ZBTB16: variants seen among roughly 807,000 people sequenced by gnomAD.
ZBTB16 encodes the protein zinc finger and BTB domain-containing protein 16.
Under a neutral mutation model 56.8 loss-of-function variants are expected in ZBTB16, and 8 were observed. The ratio of observed to expected loss-of-function variants is 0.14; its 90% CI spans 0.08 to 0.25. ZBTB16 has a LOEUF of 0.25. ZBTB16 is among the 10% of genes least tolerant of loss of function. ZBTB16 has a pLI of 1.00. For missense variants in ZBTB16, 625 were observed against 903.0 expected, an observed-to-expected ratio of 0.69 and a Z score of 3.95; for synonymous variants, 363 against 368.5, an observed-to-expected ratio of 0.98 and a Z score of 0.17.
chr11:114,100,436 C>A (rs1482904367), intron 2 of ZBTB16, among the ~76,000 whole-genome samples: 1 of 152,178 alleles, frequency 6.6e-6, no homozygotes, highest in African/African-American at 2.4e-5. Context: ...CCTTACCACC[C>A]TCTATGCCCC....
intron 5 of ZBTB16, among the ~76,000 whole-genome samples, chr11:114,245,672 C>T (rs1428452092): frequency 6.6e-6 from 1 of 152,106 alleles, no homozygotes. Context: ...AATTTATGCC[C>T]AGGCACGAGC....
chr11:114,065,943 A>G (rs1019821157), intron 2 of ZBTB16, among the ~76,000 whole-genome samples: 23 of 152,056 alleles, frequency 1.5e-4, no homozygotes, highest in Non-Finnish European at 2.9e-5. Context: ...GGGGATAAGT[A>G]GCGAGTTTGT....
intron 4 of ZBTB16, among the ~76,000 whole-genome samples, chr11:114,234,872 A>G (rs1944530743): frequency 6.6e-6 from 1 of 152,170 alleles, no homozygotes; most frequent in Non-Finnish European, 1.5e-5. Flanking sequence ...CTTTTTCAGC[A>G]GCAACCTGGG....
chr11:114,156,544 G>A (rs1942416970), intron 3 of ZBTB16, 110 bp downstream of exon 3: 2 of 1,016,668 alleles, frequency 2.0e-6, no homozygotes, highest in Non-Finnish European at 3.0e-6. Flanking sequence ...TGCCCGCTGG[G>A]GCCCTGGTCC....
Position 114,059,719 on chromosome 11 carries a change from G to C in ZBTB16, c.-254G>C. The C allele has an allele frequency of 2.5e-6, 1 of 398,474 alleles. No individual in the cohort carries two copies. Among genetic ancestry groups the C allele is most frequent in the Non-Finnish European group, 4.4e-6 (1 of 225,998 alleles). 24.7% of individuals were successfully genotyped at this position (398,474 alleles called of 1,614,324 possible). On this transcript the variant is annotated 5_prime_UTR_variant, in exon 1 of 7. Transcript: ENST00000335953. The surrounding 1 kb of genome is among the most constrained non-coding windows in gnomAD (Gnocchi z 5.3). ...TGATTTGCTAACCTCGCAGCAGAGA[G>C]GAGTTGAGGGCGATGAGAGCGGGTA...
Position 114,256,022 on chromosome 11 carries a change from G to GTTTTTTTTTTT in ZBTB16, c.*5469_*5479dup, listed in dbSNP as rs61107073. Among the ~76,000 whole-genome samples, 1 of 143,068 alleles carries GTTTTTTTTTTT rather than the reference G, an allele frequency of 7.0e-6. No homozygotes were observed. The allele number at this position is 143,068 out of a possible 152,430, so 93.9% of individuals were successfully genotyped here. A position where few individuals can be genotyped will look rare whatever the true frequency, so the allele number is the denominator to read the frequency against. On this transcript the variant is annotated 3_prime_UTR_variant, in exon 7 of 7. Coordinates refer to ENST00000335953, the MANE Select transcript of ZBTB16 (RefSeq NM_006006.6). ...TTATTGAAGTACTTGGTTTTGTTTT[G>GTTTTTTTTTTT]TTTTTTTTTTTTGTTTTTTTTGCCT...
intron 3 of ZBTB16, among the ~76,000 whole-genome samples, chr11:114,186,357 G>T (rs1943360824): frequency 6.6e-6 from 1 of 152,206 alleles, no homozygotes; most frequent in East Asian, 1.9e-4. Flanking sequence ...GAGAGACGAA[G>T]CAGGAAAGAG....
At chr11:114,195,354 G>A (rs1943580607) in intron 4 of ZBTB16, among the ~76,000 whole-genome samples, 1 of 152,144 alleles carries the variant, frequency 6.6e-6, no homozygotes, top group South Asian at 2.1e-4. Flanking sequence ...TATTGGTAAT[G>A]TGAACATGGG....
chr11:114,086,831 T>C (rs1376471157), intron 2 of ZBTB16, among the ~76,000 whole-genome samples: 1 of 152,222 alleles, frequency 6.6e-6, no homozygotes, highest in Non-Finnish European at 1.5e-5. Context: ...AAGAGCACTG[T>C]ATTAGGTTGG....
At chr11:114,108,417 C>G (rs908880852) in intron 2 of ZBTB16, among the ~76,000 whole-genome samples, 1 of 152,164 alleles carries the variant, frequency 6.6e-6, no homozygotes, top group African/African-American at 2.4e-5. Context: ...GTCACAGTAT[C>G]TAATTTTTAG....
intron 2 of ZBTB16, among the ~76,000 whole-genome samples, chr11:114,139,988 C>T (rs1941904595): frequency 6.6e-6 from 1 of 152,208 alleles, no homozygotes; most frequent in Admixed American, 6.5e-5. Context: ...ATGCCCCCTT[C>T]CGTCCTCGGT....
At chr11:114,087,766 C>A (rs570659731) in intron 2 of ZBTB16, among the ~76,000 whole-genome samples, 55 of 152,304 alleles carry the variant, frequency 3.6e-4, no homozygotes, top group African/African-American at 1.3e-3. Flanking sequence ...GCGTGGCATT[C>A]AAAGCCATCC....
chr11:114,233,806 T>G (rs2135179956), intron 4 of ZBTB16, among the ~76,000 whole-genome samples: 1 of 152,304 alleles, frequency 6.6e-6, no homozygotes. Flanking sequence ...GCTGACAAAT[T>G]TGTTTACTGT....
chr11:114,064,220 C>A lies in ZBTB16; in HGVS notation c.920C>A (p.Pro307Gln). 6.2e-6 allele frequency: 10 copies of A among 1,614,022 alleles called. No homozygotes were observed. The highest frequency in any genetic ancestry group is 8.5e-6 in the Non-Finnish European group (10 of 1,180,022). ...YGREESAEQV[P>Q]PPAEAGQAPT... ...CGAGAGGAGAGTGCCGAGCAGGTGC[C>A]ACCCCCAGCTGAGGCTGGCCAGGCC... Residue 307 changes from proline to glutamine, a missense_variant, in exon 2 of 7, where the codon CCA becomes CAA. By Grantham distance (76) the Pro-to-Gln change is moderately conservative (BLOSUM62 -1). Coordinates refer to ENST00000335953, the MANE Select transcript of ZBTB16 (RefSeq NM_006006.6). The surrounding 1 kb of genome is among the most constrained non-coding windows in gnomAD (Gnocchi z 4.2).
At chr11:114,156,254 G>A (rs1942406014) in intron 2 of ZBTB16, 83 bp from the exon 3 acceptor site, 1 of 1,411,900 alleles carries the variant, frequency 7.1e-7, no homozygotes, top group Non-Finnish European at 1.0e-6. Context: ...CAGAGGGATG[G>A]CTGCCAAGCC....
At chr11:114,144,212 A>ACT (rs1491073358) in intron 2 of ZBTB16, among the ~76,000 whole-genome samples, 2 of 145,332 alleles carry the variant, frequency 1.4e-5, no homozygotes, top group Non-Finnish European at 3.0e-5. Context: ...ACACACACAC[A>ACT]CTCCCACGCA....
intron 6 of ZBTB16, among the ~76,000 whole-genome samples, chr11:114,248,371 A>T (rs1944855780): frequency 6.6e-6 from 1 of 152,242 alleles, no homozygotes; most frequent in South Asian, 2.1e-4. Flanking sequence ...GTTCAGTGAC[A>T]CCACCTTAGT....
At chr11:114,092,914 T>C (rs1940244401) in intron 2 of ZBTB16, among the ~76,000 whole-genome samples, 1 of 152,118 alleles carries the variant, frequency 6.6e-6, no homozygotes, top group Non-Finnish European at 1.5e-5. Context: ...TGGTCTCCAT[T>C]ATTATATAGG....
At chr11:114,212,035 G>C (rs1181887775) in intron 4 of ZBTB16, among the ~76,000 whole-genome samples, 1 of 152,130 alleles carries the variant, frequency 6.6e-6, no homozygotes, top group East Asian at 1.9e-4. Flanking sequence ...CAGCGGTCTG[G>C]GGTCAAAGGG....
Sources: allele counts gnomAD v4.1 joint callset (sites outside exome capture counted in the v4.1 genomes callset), GRCh38; gene constraint gnomAD v4.1.1; non-coding constraint Gnocchi (gnomAD v3.1); transcripts MANE v1.5; gene names NCBI Gene and HGNC (gene_info 2026-07-23, HGNC 2026-07-21).